PRR16: variants seen among roughly 807,000 people sequenced by gnomAD.
PRR16 encodes the protein proline rich 16.
A neutral mutation model predicts 18.2 loss-of-function variants in PRR16; 6 were observed. That is an observed-to-expected ratio of 0.33 (90% CI 0.18 to 0.65). PRR16 has a LOEUF of 0.65. PRR16 is among the 30% of genes least tolerant of loss of function. The pLI, the probability that PRR16 is intolerant of heterozygous loss-of-function variation, is 0.74. For synonymous variants in PRR16, 151 were observed against 147.8 expected, an observed-to-expected ratio of 1.02 and a Z score of -0.16; for missense variants, 412 against 376.6, an observed-to-expected ratio of 1.09 and a Z score of -0.78.
At chr5:120,747,083 A>T in the PRR16 span, among the ~76,000 whole-genome samples, 1 of 152,228 alleles carries the variant, frequency 6.6e-6, no homozygotes, top group Admixed American at 6.5e-5. Context: ...TTGAAGAGAA[A>T]GTTCACCTTT....
chr5:120,718,957 T>G, the PRR16 span, among the ~76,000 whole-genome samples: 1 of 151,954 alleles, frequency 6.6e-6, no homozygotes, highest in Non-Finnish European at 1.5e-5. Flanking sequence ...GCATGTAATT[T>G]TAGATTAAGG....
At chr5:120,593,787 C>G (rs1283365778) in intron 1 of PRR16, among the ~76,000 whole-genome samples, 2 of 152,030 alleles carry the variant, frequency 1.3e-5, no homozygotes, top group African/African-American at 4.8e-5. Flanking sequence ...AATAGCACAT[C>G]AAAAAGTGAA....
At chr5:120,779,724 C>G in the PRR16 span, among the ~76,000 whole-genome samples, 1 of 152,120 alleles carries the variant, frequency 6.6e-6, no homozygotes, top group African/African-American at 2.4e-5. Context: ...ATGGCACATG[C>G]TGATATTCTT....
the PRR16 span, among the ~76,000 whole-genome samples, chr5:120,709,107 A>G: frequency 6.9e-6 from 1 of 144,606 alleles, no homozygotes; most frequent in Non-Finnish European, 1.5e-5. Context: ...TCCTGGGTTC[A>G]TGCCGTTCTC....
chr5:120,737,610 G>C, the PRR16 span, among the ~76,000 whole-genome samples: 4 of 151,084 alleles, frequency 2.6e-5, no homozygotes, highest in African/African-American at 4.8e-5. Flanking sequence ...GAACTTGTTG[G>C]AACTGCTCCC....
At chr5:120,559,950 G>C (rs1350153220) in intron 1 of PRR16, among the ~76,000 whole-genome samples, 2 of 151,712 alleles carry the variant, frequency 1.3e-5, no homozygotes, top group Non-Finnish European at 2.9e-5. Context: ...GTTTGGTATT[G>C]GCATATAGAA....
At chr5:120,705,719 GTACATTTAA>G in the PRR16 span, among the ~76,000 whole-genome samples, 2 of 152,070 alleles carry the variant, frequency 1.3e-5, no homozygotes, top group African/African-American at 4.8e-5. Flanking sequence ...ATATTTGAAT[GTACATTTAA>G]TATGAAAGAT....
chr5:120,700,533 G>A, the PRR16 span, among the ~76,000 whole-genome samples: 1 of 152,084 alleles, frequency 6.6e-6, no homozygotes, highest in Non-Finnish European at 1.5e-5. Flanking sequence ...AGTCAGGGAA[G>A]CAGATAATTT....
chr5:120,499,242 T>C (rs1293882396), intron 1 of PRR16, among the ~76,000 whole-genome samples: 11 of 152,032 alleles, frequency 7.2e-5, no homozygotes, highest in Admixed American at 7.2e-4. Flanking sequence ...CCCCAGTAGT[T>C]GGGATTACAG....
At chr5:120,650,860 G>T (rs1755758800) in intron 1 of PRR16, among the ~76,000 whole-genome samples, 1 of 152,088 alleles carries the variant, frequency 6.6e-6, no homozygotes, top group African/African-American at 2.4e-5. Context: ...GGATTGCTGG[G>T]TCAAATGGTA....
At chr5:120,788,862 T>A in the PRR16 span, among the ~76,000 whole-genome samples, 1 of 152,118 alleles carries the variant, frequency 6.6e-6, no homozygotes, top group South Asian at 2.1e-4. Flanking sequence ...CCTTTTTGAT[T>A]GTTCATTTAG....
chr5:120,480,622 A>G (rs1400797346), intron 1 of PRR16, among the ~76,000 whole-genome samples: 1 of 152,212 alleles, frequency 6.6e-6, no homozygotes, highest in East Asian at 1.9e-4. Context: ...TAACCATATT[A>G]TGTTATTTTT....
chr5:120,686,489 A>G lies in PRR16; in HGVS notation c.695A>G (p.His232Arg). The G allele has an allele frequency of 6.2e-7, 1 of 1,614,086 alleles. No homozygotes were observed. The highest frequency in any genetic ancestry group is 1.3e-5 in the African/African-American group (1 of 75,036). The change falls in exon 2 of 2, where the codon CAC becomes CGC. Residue 232 changes from histidine (H) to arginine (R), a missense_variant. Coordinates refer to ENST00000407149, the MANE Select transcript of PRR16 (RefSeq NM_001300783.2). Reference sequence around the variant, plus strand: ...TATAACATAAAAAACAGGGAGGTCCACTTACACAGTGAACCTGTCCACCCA... The same window carrying G: ...TATAACATAAAAAACAGGGAGGTCCGCTTACACAGTGAACCTGTCCACCCA... ...TRYNIKNREV[H>R]LHSEPVHPPG...
intron 1 of PRR16, among the ~76,000 whole-genome samples, chr5:120,572,522 T>C (rs1752939600): frequency 6.6e-6 from 1 of 152,124 alleles, no homozygotes; most frequent in African/African-American, 2.4e-5. Flanking sequence ...GCCTGTTCCA[T>C]TCCCAACGTA....
the PRR16 span, among the ~76,000 whole-genome samples, chr5:120,728,580 T>C: frequency 6.6e-6 from 1 of 152,132 alleles, no homozygotes; most frequent in Non-Finnish European, 1.5e-5. Context: ...AGGAATCAAA[T>C]ATGAACTTGA....
At chr5:120,559,919 T>C (rs34805506) in intron 1 of PRR16, among the ~76,000 whole-genome samples, 69,305 of 151,586 alleles carry the variant, frequency 0.46, 16,354 homozygotes, top group Middle Eastern at 0.55. Flanking sequence ...AAATAGATAA[T>C]TTTTTATTTA....
At chr5:120,477,216 C>T (rs1464908155) in intron 1 of PRR16, among the ~76,000 whole-genome samples, 2 of 152,152 alleles carry the variant, frequency 1.3e-5, no homozygotes, top group East Asian at 1.9e-4. Context: ...TATCTCCAAC[C>T]CAAACCTTTT....
intron 1 of PRR16, chr5:120,481,322 G>T: frequency 2.3e-6 from 1 of 429,174 alleles, no homozygotes; most frequent in Non-Finnish European, 4.7e-6. Flanking sequence ...GCAGAGACGG[G>T]GTTTCACTGT....
the PRR16 span, among the ~76,000 whole-genome samples, chr5:120,791,612 TATCTATCTATCC>T: frequency 7.9e-3 from 643 of 81,672 alleles, 8 homozygotes; most frequent in African/African-American, 0.023. Context: ...TCTATCTATC[TATCTATCTATCC>T]ATCCATCTAT....
Sources: allele counts gnomAD v4.1 joint callset (sites outside exome capture counted in the v4.1 genomes callset), GRCh38; gene constraint gnomAD v4.1.1; transcripts MANE v1.5; gene names NCBI Gene and HGNC (gene_info 2026-07-23, HGNC 2026-07-21).